The following KCTD16 variants were observed in gnomAD, a reference collection of about 807,000 sequenced individuals.
KCTD16 encodes potassium channel tetramerization domain containing 16, also known as BTB/POZ domain-containing protein KCTD16.
Under a neutral mutation model 33.2 loss-of-function variants are expected in KCTD16, and 13 were observed. The observed-to-expected ratio is 0.39, with a 90% confidence interval of 0.25 to 0.62. The LOEUF is 0.62. Among genes scored for constraint, KCTD16 ranks in the 20% least tolerant of loss-of-function variants. The pLI is 0.50. For synonymous variants in KCTD16, 197 were observed against 195.3 expected (o/e 1.01, Z -0.07); for missense variants, 441 against 525.1 (o/e 0.84, Z 1.57).
intron 3 of KCTD16, among the ~76,000 whole-genome samples, chr5:144,255,518 C>T (rs1218113285): frequency 6.6e-6 from 1 of 152,190 alleles, no homozygotes; most frequent in Admixed American, 6.5e-5. Flanking sequence ...TAATGATATG[C>T]ATCCTGGTAG....
At chr5:144,181,559 G>A (rs899257491) in intron 2 of KCTD16, among the ~76,000 whole-genome samples, 2 of 152,190 alleles carry the variant, frequency 1.3e-5, no homozygotes, top group Non-Finnish European at 2.9e-5. Flanking sequence ...AAAATTTGTT[G>A]TTGGTGGTGG....
At chr5:144,436,719 C>G (rs1753588005) in intron 3 of KCTD16, among the ~76,000 whole-genome samples, 1 of 151,684 alleles carries the variant, frequency 6.6e-6, no homozygotes, top group South Asian at 2.1e-4. Flanking sequence ...TCCTGAGTAG[C>G]TGGGATTACA....
intron 3 of KCTD16, among the ~76,000 whole-genome samples, chr5:144,209,916 A>G (rs914705222): frequency 2.0e-5 from 3 of 148,238 alleles, no homozygotes; most frequent in African/African-American, 4.9e-5. Flanking sequence ...ATGTATATAT[A>G]TATATATACA....
chr5:144,266,345 T>C (rs763414633), intron 3 of KCTD16, among the ~76,000 whole-genome samples: 1 of 152,166 alleles, frequency 6.6e-6, no homozygotes, highest in Non-Finnish European at 1.5e-5. Context: ...GGAGCTGGGC[T>C]GCCTTTTGAG....
intron 3 of KCTD16, among the ~76,000 whole-genome samples, chr5:144,454,296 A>G (rs1208913484): frequency 6.6e-6 from 1 of 152,196 alleles, no homozygotes; most frequent in Admixed American, 6.5e-5. Flanking sequence ...CAGAGCATTC[A>G]TAGAACCAGA....
At chr5:144,216,994 T>G (rs188487981) in intron 3 of KCTD16, among the ~76,000 whole-genome samples, 24 of 152,276 alleles carry the variant, frequency 1.6e-4, no homozygotes, top group African/African-American at 5.8e-4. Flanking sequence ...AAGGGGACTC[T>G]GGAGCAGCAC....
intron 3 of KCTD16, among the ~76,000 whole-genome samples, chr5:144,231,732 C>G (rs1296568039): frequency 6.6e-6 from 1 of 152,028 alleles, no homozygotes; most frequent in Non-Finnish European, 1.5e-5. Context: ...GCTTTTTCCC[C>G]TTTTGCTCGG....
At chr5:144,319,859 T>A (rs867878459) in intron 3 of KCTD16, among the ~76,000 whole-genome samples, 48 of 152,094 alleles carry the variant, frequency 3.2e-4, no homozygotes, top group Non-Finnish European at 1.5e-4. Context: ...GTGAAATGAG[T>A]TTTTCAAAAT....
intron 3 of KCTD16, among the ~76,000 whole-genome samples, chr5:144,225,279 TC>T (rs542449010): frequency 6.3e-4 from 96 of 152,260 alleles, no homozygotes; most frequent in Admixed American, 1.7e-3. Context: ...AACACAATTT[TC>T]TCATGATACA....
At chr5:144,459,016 T>A (rs1269439989) in intron 3 of KCTD16, among the ~76,000 whole-genome samples, 1 of 152,204 alleles carries the variant, frequency 6.6e-6, no homozygotes, top group Non-Finnish European at 1.5e-5. Flanking sequence ...GTTTGCAATG[T>A]CAATCAAGTA....
intron 3 of KCTD16, among the ~76,000 whole-genome samples, chr5:144,306,054 G>C (rs1287195493): frequency 1.3e-5 from 2 of 151,944 alleles, no homozygotes; most frequent in South Asian, 4.1e-4. Flanking sequence ...GAGGTTTGTT[G>C]TGAGCCAACC....
chr5:144,334,497 T>G (rs1440301709), intron 3 of KCTD16, among the ~76,000 whole-genome samples: 1 of 152,182 alleles, frequency 6.6e-6, no homozygotes, highest in Non-Finnish European at 1.5e-5. Flanking sequence ...TTTTATAGTA[T>G]TCTTATGACA....
At chr5:144,190,984 C>T (rs1363620854) in intron 2 of KCTD16, among the ~76,000 whole-genome samples, 1 of 152,224 alleles carries the variant, frequency 6.6e-6, no homozygotes, top group Non-Finnish European at 1.5e-5. Flanking sequence ...AGGTGAGCCT[C>T]ACTGATTGTC....
intron 3 of KCTD16, among the ~76,000 whole-genome samples, chr5:144,359,341 T>A (rs1386460207): frequency 1.3e-5 from 2 of 152,164 alleles, no homozygotes; most frequent in Non-Finnish European, 2.9e-5. Context: ...AACTCTTCAG[T>A]GGAGCCAAAT....
At chr5:144,345,196 G>A (rs1472746495) in intron 3 of KCTD16, among the ~76,000 whole-genome samples, 3 of 141,050 alleles carry the variant, frequency 2.1e-5, no homozygotes, top group East Asian at 4.4e-4. Context: ...CACACTCTGG[G>A]GACTGTTGTG....
intron 3 of KCTD16, among the ~76,000 whole-genome samples, chr5:144,230,269 GTATA>G (rs1754062808): frequency 6.6e-6 from 1 of 152,228 alleles, no homozygotes; most frequent in African/African-American, 2.4e-5. Flanking sequence ...GTCTTTGCCA[GTATA>G]AAAGTGTTTG....
At chr5:144,318,223 C>A (rs1419627147) in intron 3 of KCTD16, among the ~76,000 whole-genome samples, 1 of 152,112 alleles carries the variant, frequency 6.6e-6, no homozygotes, top group East Asian at 1.9e-4. Context: ...CTGTTCAAAC[C>A]TTTGTTATTA....
intron 3 of KCTD16, among the ~76,000 whole-genome samples, chr5:144,311,071 T>C (rs1158255012): frequency 2.6e-5 from 4 of 152,182 alleles, no homozygotes; most frequent in African/African-American, 9.7e-5. Flanking sequence ...CCATCTCCTT[T>C]ACCATCTCTT....
Position 144,474,074 on chromosome 5 carries a change from A to T in KCTD16, c.1247A>T (p.His416Leu). 1.9e-6 allele frequency: 3 copies of T among 1,613,166 alleles called. No individual in the cohort carries two copies. The highest frequency in any genetic ancestry group is 2.5e-6 in the Non-Finnish European group (3 of 1,179,692). Residue 416 changes from histidine to leucine, a missense_variant, in exon 4 of 4, where the codon CAT becomes CTT. His to Leu is a moderately conservative substitution (Grantham distance 99). Transcript: ENST00000512467. Reference protein sequence around the residue: ...KIPDRFPERKHPWQSELLRKY... With the variant: ...KIPDRFPERKLPWQSELLRKY... The stretch of plus-strand genomic sequence containing the variant: ...CCAGATCGGTTTCCTGAGAGAAAAC[A>T]TCCTTGGCAATCTGAACTTTTAAGG...
Sources: gnomAD v4.1 joint callset for allele counts (sites outside exome capture counted in the v4.1 genomes callset) on GRCh38, gnomAD v4.1.1 for gene constraint, MANE v1.5 for transcripts, NCBI Gene and HGNC (gene_info 2026-07-23, HGNC 2026-07-21) for gene names.